Variants in OSBPL9 observed in about 807,000 individuals in gnomAD.
OSBPL9 encodes the protein oxysterol-binding protein-related protein 9.
Under a neutral mutation model 106.6 loss-of-function variants are expected in OSBPL9, and 40 were observed. The ratio of observed to expected loss-of-function variants is 0.38; its 90% CI spans 0.29 to 0.49. The LOEUF is 0.49. Among genes scored for constraint, OSBPL9 ranks in the 20% least tolerant of loss-of-function variants. The pLI is 0.97. For synonymous variants in OSBPL9, 269 were observed against 295.4 expected (o/e 0.91, Z 0.92); for missense variants, 609 against 887.2 (o/e 0.69, Z 3.98).
At chr1:51,707,067 C>T (rs1005574688) in intron 3 of OSBPL9, 7 of 217,016 alleles carry the variant, frequency 3.2e-5, no homozygotes, top group Non-Finnish European at 6.9e-5. Flanking sequence ...AGCAGGTATT[C>T]CCCAGCAGCT....
At chr1:51,573,509 A>AAC (rs1484068175), upstream of OSBPL9, among the ~76,000 whole-genome samples, 2 of 93,784 alleles carry the variant, frequency 2.1e-5, no homozygotes, top group African/African-American at 1.3e-4. Flanking sequence ...ACTCCATCTC[A>AAC]AAAAAAAAAA....
the OSBPL9 span, among the ~76,000 whole-genome samples, chr1:51,549,746 T>G: frequency 6.6e-6 from 1 of 152,348 alleles, no homozygotes; most frequent in South Asian, 2.1e-4. Flanking sequence ...GGCAGGAGGA[T>G]GGCTTAAACC....
chr1:51,781,907 G>C (rs564966251), intron 16 of OSBPL9, among the ~76,000 whole-genome samples: 1 of 152,134 alleles, frequency 6.6e-6, no homozygotes, highest in Non-Finnish European at 1.5e-5. Flanking sequence ...CTGTGAAGCT[G>C]TCAAGTAGGG....
chr1:51,585,647 G>A (rs371875864), intron 1 of OSBPL9, among the ~76,000 whole-genome samples: 5 of 151,978 alleles, frequency 3.3e-5, no homozygotes, highest in African/African-American at 7.2e-5. Flanking sequence ...GTGGTGGTGC[G>A]CACCTGTAAT....
At chr1:51,616,927 A>G (rs1022590914), upstream of OSBPL9, 6 of 1,095,412 alleles carry the variant, frequency 5.5e-6, no homozygotes, top group African/African-American at 7.9e-5. Context: ...CATCCGTGGC[A>G]TGGAGTCCTA....
intron 15 of OSBPL9, among the ~76,000 whole-genome samples, chr1:51,778,959 T>C (rs1378609880): frequency 2.0e-5 from 3 of 152,184 alleles, no homozygotes; most frequent in African/African-American, 7.2e-5. Flanking sequence ...AAATTAGTAA[T>C]TGATAACATA....
At position 51,746,771 on chromosome 1, in the gene OSBPL9, C is replaced by T. The variant is rs754619826; in HGVS notation, c.462+14C>T. On this transcript the variant is annotated intron_variant, in intron 6 of 23. Transcript: ENST00000428468. ...GAACAGAGAAAGGTAACTTCCATAACCGTGCTTTTGACGTTAAAAATTTTA... is the reference window on the plus strand; with the variant it reads ...GAACAGAGAAAGGTAACTTCCATAATCGTGCTTTTGACGTTAAAAATTTTA... 6.3e-7 allele frequency: 1 copy of T among 1,596,434 alleles called. No homozygotes were observed. Among genetic ancestry groups the T allele is most frequent in the Non-Finnish European group, 8.5e-7 (1 of 1,171,904 alleles).
At chr1:51,606,415 T>A (rs1306360938) in intron 2 of OSBPL9, among the ~76,000 whole-genome samples, 1 of 152,186 alleles carries the variant, frequency 6.6e-6, no homozygotes, top group African/African-American at 2.4e-5. Context: ...CTTGGAAAAA[T>A]GTAGTGAATT....
At chr1:51,741,736 A>G in intron 4 of OSBPL9, among the ~76,000 whole-genome samples, 1 of 151,982 alleles carries the variant, frequency 6.6e-6, no homozygotes, top group Non-Finnish European at 1.5e-5. Flanking sequence ...TTTAATTTCT[A>G]TTGAGATTCT....
Position 51,781,419 on chromosome 1 carries a change from A to ATTGTATACTGATTCAAGATTTTATTTAG in OSBPL9, c.1428+84_1428+85insTTGTATACTGATTCAAGATTTTATTTAG. On this transcript the variant is annotated intron_variant, in intron 16 of 23. Coordinates refer to ENST00000428468, the MANE Select transcript of OSBPL9 (RefSeq NM_024586.6). ...TTTAGGGGCAAATAATAATGATGAA[A>ATTGTATACTGATTCAAGATTTTATTTAG]GCAATGATCAAAAGATGGTCACCAC... 4 of 1,339,328 alleles carry ATTGTATACTGATTCAAGATTTTATTTAG rather than the reference A, an allele frequency of 3.0e-6. No homozygotes were observed. In the South Asian group the frequency reaches 4.0e-5, roughly 13 times the overall value. 83.0% of individuals were successfully genotyped at this position (1,339,328 alleles called of 1,614,324 possible). A position where few individuals can be genotyped will look rare whatever the true frequency, so the allele number is the denominator to read the frequency against.
chr1:51,519,599 G>C, the OSBPL9 span, among the ~76,000 whole-genome samples: 1 of 152,278 alleles, frequency 6.6e-6, no homozygotes, highest in Non-Finnish European at 1.5e-5. Context: ...CTGAGCTCCT[G>C]CTTCTGAAAA....
rs534127177 is a variant in OSBPL9 at position 51,649,281 on chromosome 1, AT to A, written c.112-2705del. Among the ~76,000 whole-genome samples the A allele has an allele frequency of 7.3e-3, 1,108 of 151,998 alleles. 5 individuals are homozygous for A. The highest frequency in any genetic ancestry group is 0.011 in the Non-Finnish European group (745 of 67,952). ...ACCACCATGCCCAGCTAATTTTTGT[AT>A]TTTTAGTAGAGATAGGGTTTCACCA... On this transcript the variant is annotated intron_variant, in intron 1 of 23. Transcript: ENST00000428468.
In OSBPL9 at chr1:51,599,560, G is replaced by A. The variant is rs981969454; in HGVS notation, c.-353+1367G>A. Among the ~76,000 whole-genome samples, 25 of 152,052 alleles carry A rather than the reference G, an allele frequency of 1.6e-4. No individual in the cohort carries two copies. In the South Asian group the frequency reaches 3.5e-3, roughly 21 times the overall value. On this transcript the variant is annotated intron_variant, in intron 2 of 25. Transcript: ENST00000371714. ...TGCTTAGATCAGAGATTTGTCATAA[G>A]TCTAATATGTAGTAAAAAATAAGCA...
At chr1:51,608,519 G>A (rs1303420691) in intron 2 of OSBPL9, among the ~76,000 whole-genome samples, 1 of 151,118 alleles carries the variant, frequency 6.6e-6, no homozygotes, top group Non-Finnish European at 1.5e-5. Flanking sequence ...TGGCTGGTCT[G>A]AAACTCCTGA....
intron 1 of OSBPL9, among the ~76,000 whole-genome samples, chr1:51,591,716 C>A (rs1308171800): frequency 2.6e-5 from 4 of 152,088 alleles, no homozygotes; most frequent in African/African-American, 9.7e-5. Flanking sequence ...TGCTTGAATC[C>A]TGGAGGTGGA....
At chr1:51,772,304 G>A (rs757183771) in intron 13 of OSBPL9, 122 bp downstream of exon 13, 1 of 776,066 alleles carries the variant, frequency 1.3e-6, no homozygotes, top group Non-Finnish European at 2.1e-6. Flanking sequence ...TTGAGGTCCG[G>A]AGTTCAAGAC....
chr1:51,552,422 A>T, the OSBPL9 span, among the ~76,000 whole-genome samples: 2 of 152,196 alleles, frequency 1.3e-5, no homozygotes, highest in African/African-American at 4.8e-5. Flanking sequence ...GATGAAGAGC[A>T]GTTAAATAAC....
At chr1:51,595,308 T>C (rs766462635) in intron 1 of OSBPL9, among the ~76,000 whole-genome samples, 1 of 152,130 alleles carries the variant, frequency 6.6e-6, no homozygotes, top group Non-Finnish European at 1.5e-5. Context: ...TCGCTCTCAC[T>C]TGATTCCGTT....
intron 4 of OSBPL9, among the ~76,000 whole-genome samples, chr1:51,732,208 C>T (rs755685795): frequency 9.2e-5 from 14 of 152,110 alleles, no homozygotes; most frequent in Non-Finnish European, 8.8e-5. Flanking sequence ...ATGGTTTGCA[C>T]GCTGTTGATT....
Sources: allele counts gnomAD v4.1 joint callset (sites outside exome capture counted in the v4.1 genomes callset), GRCh38; gene constraint gnomAD v4.1.1; transcripts MANE v1.5; gene names NCBI Gene and HGNC (gene_info 2026-07-23, HGNC 2026-07-21).